The following PHTF2 variants were observed in gnomAD, a reference collection of about 807,000 sequenced individuals.
PHTF2 encodes the protein protein PHTF2.
Under a neutral mutation model 101.2 loss-of-function variants are expected in PHTF2, and 60 were observed. That is an observed-to-expected ratio of 0.59 (90% CI 0.48 to 0.73). The LOEUF is 0.73. PHTF2 is among the 30% of genes least tolerant of loss of function. PHTF2 has a pLI of 0.00. For synonymous variants in PHTF2, 311 were observed against 307.3 expected (o/e 1.01, Z -0.13); for missense variants, 747 against 908.7 (o/e 0.82, Z 2.29).
chr7:77,842,731 C>T (rs1562865177), intron 2 of PHTF2, among the ~76,000 whole-genome samples: 1 of 152,156 alleles, frequency 6.6e-6, no homozygotes, highest in African/African-American at 2.4e-5. Context: ...GGGTGGGAGT[C>T]AGAGATACAA....
chr7:77,887,878 A>C (rs1053433903), intron 3 of PHTF2, among the ~76,000 whole-genome samples: 3 of 152,254 alleles, frequency 2.0e-5, no homozygotes, highest in Admixed American at 2.0e-4. Context: ...CAAGCACCAG[A>C]GAAAGGACTT....
intron 1 of PHTF2, among the ~76,000 whole-genome samples, chr7:77,816,138 A>G (rs1384448134): frequency 6.6e-6 from 1 of 152,042 alleles, no homozygotes; most frequent in African/African-American, 2.4e-5. Context: ...GCAATGGTGC[A>G]ATCTTGGCTG....
At chr7:77,873,478 T>A (rs992706656) in intron 3 of PHTF2, among the ~76,000 whole-genome samples, 6 of 152,148 alleles carry the variant, frequency 3.9e-5, no homozygotes, top group Admixed American at 2.0e-4. Context: ...AGGGGCCGGC[T>A]GGGACTTTAG....
intron 5 of PHTF2, among the ~76,000 whole-genome samples, chr7:77,895,406 G>T (rs1467817513): frequency 6.6e-6 from 1 of 152,044 alleles, no homozygotes; most frequent in African/African-American, 2.4e-5. Flanking sequence ...TATGGAGAGA[G>T]TATGAAGAAG....
intron 11 of PHTF2, chr7:77,923,890 C>T (rs1803712765): frequency 1.0e-6 from 1 of 969,720 alleles, no homozygotes; most frequent in African/African-American, 1.8e-5. Context: ...AAGCGCAGAA[C>T]ATTATTCTAC....
At chr7:77,825,200 T>TA (rs1159814868) in intron 1 of PHTF2, among the ~76,000 whole-genome samples, 1 of 152,156 alleles carries the variant, frequency 6.6e-6, no homozygotes. Flanking sequence ...GGGGTATCTG[T>TA]AGCTTTATAC....
intron 9 of PHTF2, among the ~76,000 whole-genome samples, chr7:77,913,827 GATCA>G (rs1014349780): frequency 6.6e-6 from 1 of 152,130 alleles, no homozygotes; most frequent in African/African-American, 2.4e-5. Flanking sequence ...CTTAAAGGTA[GATCA>G]GTCAGGCATA....
intron 9 of PHTF2, among the ~76,000 whole-genome samples, chr7:77,918,431 T>C (rs116507004): frequency 2.4e-4 from 37 of 152,322 alleles, no homozygotes; most frequent in African/African-American, 8.7e-4. Flanking sequence ...TTCTTTCACC[T>C]AATTTATCCC....
At chr7:77,924,088 G>A in intron 11 of PHTF2, 2 of 965,184 alleles carry the variant, frequency 2.1e-6, no homozygotes, top group Non-Finnish European at 2.5e-6. Flanking sequence ...GCTGCATTCA[G>A]TTCTCAAAAA....
chr7:77,923,351 G>T, intron 11 of PHTF2: 1 of 966,468 alleles, frequency 1.0e-6, no homozygotes, highest in Non-Finnish European at 1.2e-6. Flanking sequence ...TTGGCTTTAA[G>T]GCAAATAAAT....
intron 1 of PHTF2, among the ~76,000 whole-genome samples, chr7:77,818,079 T>C (rs1793995475): frequency 6.7e-6 from 1 of 149,428 alleles, no homozygotes; most frequent in Admixed American, 6.7e-5. Flanking sequence ...TACTGTACTC[T>C]AGTCTGGGCA....
chr7:77,883,404 A>C (rs958641476), intron 3 of PHTF2, among the ~76,000 whole-genome samples: 1 of 152,000 alleles, frequency 6.6e-6, no homozygotes, highest in African/African-American at 2.4e-5. Context: ...TATAGATATA[A>C]TTTTCTTTCA....
chr7:77,803,332 T>A (rs1792712619), intron 1 of PHTF2, among the ~76,000 whole-genome samples: 1 of 152,164 alleles, frequency 6.6e-6, no homozygotes, highest in African/African-American at 2.4e-5. Context: ...TCTACAGAAA[T>A]TTTAAAGACA....
chr7:77,931,961 G>A (rs558247904), intron 12 of PHTF2, among the ~76,000 whole-genome samples: 75 of 152,074 alleles, frequency 4.9e-4, no homozygotes, highest in Admixed American at 8.5e-4. Flanking sequence ...TTAGCCAGGC[G>A]TGGTGACAGG....
intron 2 of PHTF2, among the ~76,000 whole-genome samples, chr7:77,851,311 A>T (rs1796742111): frequency 6.6e-6 from 1 of 151,822 alleles, no homozygotes; most frequent in Non-Finnish European, 1.5e-5. Flanking sequence ...CAGATTTTGG[A>T]TTTCTTCATG....
intron 7 of PHTF2, among the ~76,000 whole-genome samples, chr7:77,906,676 TTAAG>T (rs1801888060): frequency 6.6e-6 from 1 of 152,176 alleles, no homozygotes; most frequent in Admixed American, 6.5e-5. Context: ...TCTGAACTTC[TTAAG>T]TAAGCATTTG....
intron 15 of PHTF2, among the ~76,000 whole-genome samples, chr7:77,942,028 T>C (rs763315067): frequency 6.6e-6 from 1 of 152,182 alleles, no homozygotes; most frequent in African/African-American, 2.4e-5. Context: ...TTTAGACTGC[T>C]TCCGTTCTTT....
chr7:77,897,827 C>T (rs1801010065), intron 5 of PHTF2, among the ~76,000 whole-genome samples: 1 of 152,072 alleles, frequency 6.6e-6, no homozygotes, highest in Non-Finnish European at 1.5e-5. Context: ...ATTACAGGCG[C>T]CCGCTACCAC....
intron 16 of PHTF2, among the ~76,000 whole-genome samples, chr7:77,949,314 A>G (rs1022152171): frequency 6.6e-6 from 1 of 152,160 alleles, no homozygotes; most frequent in Non-Finnish European, 1.5e-5. Flanking sequence ...AAGGATGTAT[A>G]TGTAGCTAAA....
Sources: allele counts gnomAD v4.1 joint callset (sites outside exome capture counted in the v4.1 genomes callset), GRCh38; gene constraint gnomAD v4.1.1; transcripts MANE v1.5; gene names NCBI Gene and HGNC (gene_info 2026-07-23, HGNC 2026-07-21).